PRKN: variants seen among roughly 807,000 people sequenced by gnomAD.
PRKN encodes E3 ubiquitin-protein ligase parkin.
Under a neutral mutation model 59.5 loss-of-function variants are expected in PRKN, and 56 were observed. The ratio of observed to expected loss-of-function variants is 0.94; its 90% CI spans 0.76 to 1.18. The LOEUF (loss-of-function observed/expected upper bound fraction) is 1.18. Ranked by LOEUF, PRKN falls within the 50% of genes most tolerant of loss-of-function variation. The pLI is 0.00. For synonymous variants in PRKN, 250 were observed against 222.1 expected (o/e 1.13, Z -1.12); for missense variants, 657 against 596.4 (o/e 1.10, Z -1.06).
chr6:162,372,414 G>C (rs977318162), intron 2 of PRKN, among the ~76,000 whole-genome samples: 1 of 151,026 alleles, frequency 6.6e-6, no homozygotes, highest in East Asian at 1.9e-4. Flanking sequence ...TTACTCACAC[G>C]TGCTACACAT....
In PRKN at chr6:162,671,488, A is replaced by G. The variant is rs1001794032; in HGVS notation, c.7+56174T>C. The stretch of plus-strand genomic sequence containing the variant: ...CACTCCAGGCTGGCAATAGAGCGAG[A>G]CTCTGTCTCAAAAAAAAAAAAAAAA... On this transcript the variant is annotated intron_variant, in intron 1 of 11. Coordinates refer to ENST00000366898, the MANE Select transcript of PRKN (RefSeq NM_004562.3). 2.3e-5 allele frequency among the ~76,000 whole-genome samples: 3 copies of G among 131,346 alleles called. No homozygotes were observed. The Admixed American group carries it at 2.6e-4, about 11-fold the overall frequency. 86.2% of individuals were successfully genotyped at this position (131,346 alleles called of 152,430 possible).
At chr6:162,363,131 CAAAAAAAA>C (rs34722234) in intron 2 of PRKN, among the ~76,000 whole-genome samples, 37 of 98,442 alleles carry the variant, frequency 3.8e-4, no homozygotes, top group South Asian at 1.1e-3. Context: ...CCTTCTCAAA[CAAAAAAAA>C]AAAAAAAAAA....
chr6:161,416,621 C>A (rs1787863849), intron 9 of PRKN, among the ~76,000 whole-genome samples: 1 of 152,158 alleles, frequency 6.6e-6, no homozygotes, highest in Admixed American at 6.5e-5. Flanking sequence ...CCAGCCTCAT[C>A]CGCTGCTGCC....
At chr6:162,373,523 T>A (rs1255405057) in intron 2 of PRKN, among the ~76,000 whole-genome samples, 3 of 152,170 alleles carry the variant, frequency 2.0e-5, no homozygotes, top group Non-Finnish European at 4.4e-5. Context: ...TCATAACTTA[T>A]GAAGCTAAAA....
At chr6:161,817,360 G>T (rs1335752192) in intron 6 of PRKN, among the ~76,000 whole-genome samples, 1 of 152,206 alleles carries the variant, frequency 6.6e-6, no homozygotes, top group South Asian at 2.1e-4. Context: ...ACAGGGCCAC[G>T]TGGGTTTCCC....
chr6:162,248,225 C>A (rs1035783013), intron 3 of PRKN, among the ~76,000 whole-genome samples: 2 of 152,114 alleles, frequency 1.3e-5, no homozygotes, highest in Non-Finnish European at 2.9e-5. Context: ...TGTTACTAAT[C>A]GAACATTTTA....
intron 2 of PRKN, among the ~76,000 whole-genome samples, chr6:162,352,196 A>G (rs1235847498): frequency 6.6e-6 from 1 of 152,160 alleles, no homozygotes; most frequent in Non-Finnish European, 1.5e-5. Context: ...ATGGTTGGCA[A>G]TATCTGGAAG....
intron 4 of PRKN, among the ~76,000 whole-genome samples, chr6:162,141,538 C>G (rs188198070): frequency 6.6e-6 from 1 of 152,132 alleles, no homozygotes; most frequent in Non-Finnish European, 1.5e-5. Flanking sequence ...TAAATTTCAA[C>G]ATATTTTGCT....
chr6:162,175,628 C>A (rs1003123647), intron 4 of PRKN, among the ~76,000 whole-genome samples: 15 of 152,134 alleles, frequency 9.9e-5, no homozygotes, highest in African/African-American at 3.6e-4. Context: ...AACATATGAC[C>A]TACAGAGCTG....
At chr6:162,354,698 C>T (rs1352326646) in intron 2 of PRKN, among the ~76,000 whole-genome samples, 1 of 151,986 alleles carries the variant, frequency 6.6e-6, no homozygotes, top group African/African-American at 2.4e-5. Flanking sequence ...TCAGTTCCTT[C>T]CTCCCTTCGT....
chr6:161,446,783 G>GT lies in PRKN; in HGVS notation c.1084-59907dup, dbSNP rs1420164985. Among the ~76,000 whole-genome samples, 1 of 152,110 alleles carries GT rather than the reference G, an allele frequency of 6.6e-6. No homozygotes were observed. The highest frequency in any genetic ancestry group is 2.4e-5 in the African/African-American group (1 of 41,422). ...GGAATGAGGGAGGTTCACGTGGGAG[G>GT]TGGCAACTGCAGAACAGACAGCTCT... is the stretch of plus-strand genomic sequence containing the variant. On this transcript the variant is annotated intron_variant, in intron 9 of 11. Coordinates refer to ENST00000366898, the MANE Select transcript of PRKN (RefSeq NM_004562.3). The surrounding 1 kb of genome is among the most constrained non-coding windows in gnomAD (Gnocchi z 6.2).
rs1583076319 is a variant in PRKN, at chr6:161,444,712, C to A, written c.1084-57835G>T. Among the ~76,000 whole-genome samples, 1 of 152,202 alleles carries A rather than the reference C, an allele frequency of 6.6e-6. No homozygotes were observed. Among genetic ancestry groups the A allele is most frequent in the East Asian group, 1.9e-4 (1 of 5,192 alleles). On this transcript the variant is annotated intron_variant, in intron 9 of 11. Transcript: ENST00000366898. The surrounding 1 kb of genome is among the most constrained non-coding windows in gnomAD (Gnocchi z 5.6). ...GCTTTGCACGAGCGCTACCGCGTGG[C>A]GGTGGAAACATTTGTTCCCCTTGAT... is the stretch of plus-strand genomic sequence containing the variant.
At chr6:162,607,605 T>C (rs1435184912) in intron 1 of PRKN, among the ~76,000 whole-genome samples, 3 of 151,928 alleles carry the variant, frequency 2.0e-5, no homozygotes, top group African/African-American at 7.3e-5. Flanking sequence ...ATCCCACTGA[T>C]AAGATGAGGC....
At chr6:161,599,866 G>A (rs1782046090) in intron 7 of PRKN, among the ~76,000 whole-genome samples, 1 of 152,162 alleles carries the variant, frequency 6.6e-6, no homozygotes, top group Admixed American at 6.5e-5. Flanking sequence ...ACAATCAAAT[G>A]TTGATGGGTG....
At chr6:162,144,135 G>A (rs1363182759) in intron 4 of PRKN, among the ~76,000 whole-genome samples, 1 of 152,156 alleles carries the variant, frequency 6.6e-6, no homozygotes, top group Non-Finnish European at 1.5e-5. Flanking sequence ...CAAAATGTAG[G>A]TGCTCACTAC....
chr6:162,011,817 C>T (rs964187245), intron 5 of PRKN, among the ~76,000 whole-genome samples: 1 of 151,584 alleles, frequency 6.6e-6, no homozygotes, highest in Admixed American at 6.6e-5. Context: ...TAAACCTTTA[C>T]AAAATAGCAA....
intron 9 of PRKN, among the ~76,000 whole-genome samples, chr6:161,464,166 C>T (rs892783549): frequency 6.6e-6 from 1 of 152,092 alleles, no homozygotes; most frequent in Non-Finnish European, 1.5e-5. Flanking sequence ...AGGCATGTAC[C>T]ACCACGTCCA....
At chr6:162,079,205 A>G (rs1297621511) in intron 4 of PRKN, among the ~76,000 whole-genome samples, 1 of 152,114 alleles carries the variant, frequency 6.6e-6, no homozygotes, top group Non-Finnish European at 1.5e-5. Context: ...GTAGCGGAAC[A>G]CGAATTTGTA....
At chr6:161,656,577 C>T (rs1377151123) in intron 7 of PRKN, among the ~76,000 whole-genome samples, 1 of 152,160 alleles carries the variant, frequency 6.6e-6, no homozygotes, top group Non-Finnish European at 1.5e-5. Context: ...GTTCCTAAAT[C>T]CAATGAAACG....
Sources: gnomAD v4.1 joint callset for allele counts (sites outside exome capture counted in the v4.1 genomes callset) on GRCh38, gnomAD v4.1.1 for gene constraint, Gnocchi (gnomAD v3.1) non-coding constraint, MANE v1.5 for transcripts, NCBI Gene and HGNC (gene_info 2026-07-23, HGNC 2026-07-21) for gene names.